MEGF6: variants seen among roughly 807,000 people sequenced by gnomAD.
The protein encoded by MEGF6 is multiple epidermal growth factor-like domains protein 6.
MEGF6 carries 184 observed loss-of-function variants against 207.1 expected under a neutral mutation model. The ratio of observed to expected loss-of-function variants is 0.89; its 90% CI spans 0.79 to 1.00. The LOEUF is 1.00. Ranked by LOEUF, MEGF6 falls within the 50% of genes least tolerant of loss-of-function variation. MEGF6 has a pLI of 0.00. For synonymous variants in MEGF6, 1,038 were observed against 910.0 expected (o/e 1.14, Z -2.53); for missense variants, 2,282 against 2,202.9 (o/e 1.04, Z -0.72).
intron 1 of MEGF6, among the ~76,000 whole-genome samples, chr1:3,602,843 G>A (rs1256711298): frequency 1.3e-5 from 2 of 152,188 alleles, no homozygotes; most frequent in Admixed American, 6.5e-5. Context: ...GGCCCACAGC[G>A]TGGATCCTAG....
intron 5 of MEGF6, among the ~76,000 whole-genome samples, chr1:3,520,936 C>T (rs1641723307): frequency 6.6e-6 from 1 of 152,130 alleles, no homozygotes; most frequent in Non-Finnish European, 1.5e-5. Flanking sequence ...GAGGTGTCAG[C>T]CCCCTGAGAG....
At chr1:3,499,109 C>G (rs564866234) in intron 24 of MEGF6, 29 bp downstream of exon 24, 1 of 1,596,524 alleles carries the variant, frequency 6.3e-7, no homozygotes, top group Non-Finnish European at 8.5e-7. Flanking sequence ...GCCTGGACCC[C>G]GGTCCCTGGA....
rs1273546283 is a variant in MEGF6, at chr1:3,500,689, G to T, written c.2651C>A (p.Ala884Asp). 1 of 1,580,936 alleles carries T rather than the reference G, an allele frequency of 6.3e-7. No homozygotes were observed. The highest frequency in any genetic ancestry group is 8.6e-7 in the Non-Finnish European group (1 of 1,163,812). The change falls in exon 21 of 37, where the codon GCC becomes GAC. Residue 884 changes from alanine to aspartate, a missense_variant. Ala to Asp is a moderately radical substitution (Grantham distance 126). Transcript: ENST00000356575. ...NCSAGHGSCD[A>D]ISGLCLCEAG... ...CTCACACAGACACAGGCCGCTGATGGCATCACAGCTCCCGTGGCCAGCGCT... is the reference window on the plus strand; with the variant it reads ...CTCACACAGACACAGGCCGCTGATGTCATCACAGCTCCCGTGGCCAGCGCT...
At chr1:3,520,447 G>A (rs1485568143) in intron 5 of MEGF6, among the ~76,000 whole-genome samples, 2 of 152,204 alleles carry the variant, frequency 1.3e-5, no homozygotes, top group South Asian at 2.1e-4. Context: ...CTACATCACC[G>A]GGGAAGGCAA....
the MEGF6 span, among the ~76,000 whole-genome samples, chr1:3,619,836 T>C: frequency 0.69 from 105,219 of 152,032 alleles, 36,742 homozygotes; most frequent in East Asian, 0.76. Context: ...GTGGAGGTGA[T>C]TTTGGAACTG....
At chr1:3,511,022 C>G in intron 9 of MEGF6, 120 bp from the exon 10 acceptor site, 1 of 1,401,650 alleles carries the variant, frequency 7.1e-7, no homozygotes, top group Non-Finnish European at 9.6e-7. Context: ...CCTGCAGCTG[C>G]CCACAGCCTC....
chr1:3,551,601 C>T (rs906846271), intron 4 of MEGF6, among the ~76,000 whole-genome samples: 4 of 152,152 alleles, frequency 2.6e-5, no homozygotes, highest in Non-Finnish European at 5.9e-5. Context: ...AGCTCCCACC[C>T]TCTCAGTGGT....
rs1428443481 is a variant in MEGF6 at position 3,611,140 on chromosome 1, G to A, written c.129C>T (p.Gly43=). 7.3e-6 allele frequency: 11 copies of A among 1,514,414 alleles called. No homozygotes were observed. The highest frequency in any genetic ancestry group is 9.6e-6 in the Non-Finnish European group (11 of 1,140,056). The allele number at this position is 1,514,414 out of a possible 1,614,324, so 93.8% of individuals were successfully genotyped here. A position where few individuals can be genotyped will look rare whatever the true frequency, so the allele number is the denominator to read the frequency against. ...CCCTCCCAGCTCCTGCTACTCACATGCCGGGCTGCAGCGGGAGCAGGGGCC... is the reference window on the plus strand; with the variant it reads ...CCCTCCCAGCTCCTGCTACTCACATACCGGGCTGCAGCGGGAGCAGGGGCC... The part of the protein sequence containing the change: ...PPRPLLPLQP[G]MPHVCAEQEL... The change falls in exon 1 of 37, where the codon GGC becomes GGT. Residue 43 remains glycine, a splice_region_variant and synonymous_variant. Transcript: ENST00000356575.
At chr1:3,581,009 A>G (rs1643783879) in intron 3 of MEGF6, among the ~76,000 whole-genome samples, 1 of 152,092 alleles carries the variant, frequency 6.6e-6, no homozygotes, top group African/African-American at 2.4e-5. Context: ...TGAGAGGAAG[A>G]AGGACACTCA....
rs374588796 is a variant in MEGF6 at position 3,494,059 on chromosome 1, A to G, written c.4195T>C (p.Cys1399Arg). Residue 1399 changes from cysteine to arginine, a missense_variant, in exon 33 of 37, where the codon TGC becomes CGC. Cys to Arg is a radical substitution (Grantham distance 180). Transcript: ENST00000356575. The part of the protein sequence containing the change: ...GLCWCQHGAP[C>R]DPISGRCLCP... ...AGGCATCGGCCACTGATGGGGTCGC[A>G]GGGGGCTCCATGTTGACACCAGCAC... 1.9e-6 allele frequency: 3 copies of G among 1,606,812 alleles called. No homozygotes were observed. Among genetic ancestry groups the G allele is most frequent in the Non-Finnish European group, 2.5e-6 (3 of 1,176,800 alleles).
At chr1:3,501,581 G>A (rs1640868898) in intron 18 of MEGF6, among the ~76,000 whole-genome samples, 1 of 152,118 alleles carries the variant, frequency 6.6e-6, no homozygotes, top group Non-Finnish European at 1.5e-5. Flanking sequence ...ATGCAGAGAG[G>A]GAGCAGCCCG....
rs796213628 is a variant in MEGF6 at position 3,495,884 on chromosome 1, A to G, written c.3871+6T>C. 3.1e-6 allele frequency: 5 copies of G among 1,597,926 alleles called. No homozygotes were observed. In the African/African-American group the frequency reaches 5.3e-5, roughly 17 times the overall value. On this transcript the variant is annotated splice_donor_region_variant and intron_variant, in intron 30 of 36. Coordinates refer to ENST00000356575, the MANE Select transcript of MEGF6 (RefSeq NM_001409.4). ...TGTGAGCATGCCCTCTGGAGTGAAC[A>G]CTCACCTCGCTCACAGCGGACGCCG...
Position 3,509,168 on chromosome 1 carries a change from C to CAA in MEGF6, c.1434_1435insTT (p.Asp479LeufsTer45), listed in dbSNP as rs1349189673. ...TCCTGGAAGAGTTGCGGCAGCTCGT[C>CAA]CTGGAGCACGGCAATGTGGGGCAGG... On this transcript the variant is annotated frameshift_variant, in exon 12 of 37. Transcript: ENST00000356575. LOFTEE classifies it high-confidence loss of function. The CAA allele has an allele frequency of 3.2e-6, 5 of 1,582,216 alleles. No homozygotes were observed. The Admixed American group carries it at 7.1e-5, about 23-fold the overall frequency.
At position 3,611,360 on chromosome 1, in the gene MEGF6, G is replaced by A. The variant is rs899972478; in HGVS notation, c.-92C>T. 9 of 1,337,004 alleles carry A rather than the reference G, an allele frequency of 6.7e-6. No homozygotes were observed. In the African/African-American group the frequency reaches 1.4e-4, roughly 21 times the overall value. The allele number at this position is 1,337,004 out of a possible 1,614,324, so 82.8% of individuals were successfully genotyped here. On this transcript the variant is annotated 5_prime_UTR_variant, in exon 1 of 37. Transcript: ENST00000356575. ...GCCTCCACGTGCGCCATAGGACGCA[G>A]CCACAGGTGCCCGCGCCCGCTCCGC...
In MEGF6 at chr1:3,511,045, C is replaced by T. The variant is rs758442012; in HGVS notation, c.1115-143G>A. On this transcript the variant is annotated intron_variant, in intron 9 of 36. Transcript: ENST00000356575. ...TGCCCACAGCCTCACGTGTGCACACCGACATTCATGGCACCTGCAGACAAT... is the reference window on the plus strand; with the variant it reads ...TGCCCACAGCCTCACGTGTGCACACTGACATTCATGGCACCTGCAGACAAT... 40 of 1,212,274 alleles carry T rather than the reference C, an allele frequency of 3.3e-5. 1 individual carries two copies. Among genetic ancestry groups the T allele is most frequent in the Middle Eastern group, 4.0e-4 (2 of 5,058 alleles). The allele number at this position is 1,212,274 out of a possible 1,614,324, so 75.1% of individuals were successfully genotyped here. A position where few individuals can be genotyped will look rare whatever the true frequency, so the allele number is the denominator to read the frequency against.
intron 4 of MEGF6, among the ~76,000 whole-genome samples, chr1:3,577,903 G>T (rs1305396654): frequency 6.6e-6 from 1 of 152,196 alleles, no homozygotes; most frequent in East Asian, 1.9e-4. Flanking sequence ...TCCACGAGAC[G>T]CCGAGTTCCC....
intron 2 of MEGF6, 26 bp downstream of exon 2, chr1:3,602,440 C>T (rs879786114): frequency 3.1e-6 from 5 of 1,612,774 alleles, no homozygotes; most frequent in Non-Finnish European, 3.4e-6. Context: ...TGGAGCCCCT[C>T]CCCCAACACG....
At position 3,589,380 on chromosome 1, in the gene MEGF6, C is replaced by G. The variant is rs1429090645; in HGVS notation, c.376+5958G>C. On this transcript the variant is annotated intron_variant, in intron 3 of 36. Coordinates refer to ENST00000356575, the MANE Select transcript of MEGF6 (RefSeq NM_001409.4). ...GCTCATACCTGCGCCCCCCACCCCA[C>G]GCCCGTCCCATTTGCTCCAGCCACA... 1.3e-5 allele frequency among the ~76,000 whole-genome samples: 2 copies of G among 152,100 alleles called. 1 individual carries two copies. Among genetic ancestry groups the G allele is most frequent in the South Asian group, 4.1e-4 (2 of 4,824 alleles).
At chr1:3,618,110 C>G in the MEGF6 span, among the ~76,000 whole-genome samples, 289 of 152,302 alleles carry the variant, frequency 1.9e-3, 1 homozygote, top group African/African-American at 6.7e-3. The surrounding 1 kb of genome is among the most constrained non-coding windows in gnomAD (Gnocchi z 4.7). Flanking sequence ...CAGAGGCTCC[C>G]CCATCACCCC....
Sources: allele counts gnomAD v4.1 joint callset (sites outside exome capture counted in the v4.1 genomes callset), GRCh38; gene constraint gnomAD v4.1.1; non-coding constraint Gnocchi (gnomAD v3.1); transcripts MANE v1.5; gene names NCBI Gene and HGNC (gene_info 2026-07-23, HGNC 2026-07-21).